The following IKZF1 variants were observed in gnomAD, a reference collection of about 807,000 sequenced individuals.
The protein encoded by IKZF1 is IKAROS family zinc finger 1.
Under a neutral mutation model 51.7 loss-of-function variants are expected in IKZF1, and 10 were observed. That is an observed-to-expected ratio of 0.19 (90% CI 0.12 to 0.33). The LOEUF (loss-of-function observed/expected upper bound fraction) is 0.33. Among genes scored for constraint, IKZF1 ranks in the 10% least tolerant of loss-of-function variants. IKZF1 has a pLI of 1.00. For missense variants in IKZF1, 484 were observed against 707.5 expected, an observed-to-expected ratio of 0.68 and a Z score of 3.58; for synonymous variants, 280 against 282.3, an observed-to-expected ratio of 0.99 and a Z score of 0.08.
At chr7:50,373,237 C>T (rs1447200641) in intron 3 of IKZF1, among the ~76,000 whole-genome samples, 1 of 152,218 alleles carries the variant, frequency 6.6e-6, no homozygotes, top group Non-Finnish European at 1.5e-5. Flanking sequence ...ACCCAAAGGT[C>T]GTGTCCAATG....
At chr7:50,347,709 A>C (rs945631872) in intron 3 of IKZF1, among the ~76,000 whole-genome samples, 20 of 152,196 alleles carry the variant, frequency 1.3e-4, no homozygotes, top group Non-Finnish European at 1.5e-5. Context: ...TCCTCTCCTG[A>C]AATCCAGAAT....
rs1584433211 is a variant in IKZF1, at chr7:50,318,337, G to A, written c.-14-711G>A. 5 of 226,960 alleles carry A rather than the reference G, an allele frequency of 2.2e-5. No homozygotes were observed. In the Admixed American group the frequency reaches 2.8e-4, roughly 13 times the overall value. 14.1% of individuals were successfully genotyped at this position (226,960 alleles called of 1,614,324 possible). On this transcript the variant is annotated intron_variant, in intron 1 of 7. Coordinates refer to ENST00000331340, the MANE Select transcript of IKZF1 (RefSeq NM_006060.6). Reference sequence around the variant, plus strand: ...TAATTTAAACCGATCTGAGAAGCCAGCCATCTGTCAGCAAAACAGGAAGGC... The same window carrying A: ...TAATTTAAACCGATCTGAGAAGCCAACCATCTGTCAGCAAAACAGGAAGGC...
intron 3 of IKZF1, among the ~76,000 whole-genome samples, chr7:50,334,233 C>T (rs887503420): frequency 4.6e-4 from 70 of 152,134 alleles, no homozygotes; most frequent in Non-Finnish European, 8.4e-4. Flanking sequence ...ACATCTTGTA[C>T]TAGGTTTTGG....
In IKZF1 at chr7:50,402,618, G is replaced by A. The variant is rs1327222378; in HGVS notation, c.*1991G>A. 1 of 231,652 alleles carries A rather than the reference G, an allele frequency of 4.3e-6. No homozygotes were observed. The highest frequency in any genetic ancestry group is 5.6e-5 in the Admixed American group (1 of 17,708). 14.3% of individuals were successfully genotyped at this position (231,652 alleles called of 1,614,324 possible). ...AATATTCCCGGTCAGCAGTATCAAG[G>A]CTGACTTGTGTTCATGTGGAGTCAT... On this transcript the variant is annotated 3_prime_UTR_variant, in exon 8 of 8. Coordinates refer to ENST00000331340, the MANE Select transcript of IKZF1 (RefSeq NM_006060.6).
intron 6 of IKZF1, chr7:50,388,639 A>G (rs1054327148): frequency 6.6e-6 from 1 of 152,256 alleles, no homozygotes; most frequent in African/African-American, 2.4e-5. Context: ...TCTCAGGTCT[A>G]GAATGGAAAG....
chr7:50,392,558 C>G (rs1815444433), intron 7 of IKZF1, among the ~76,000 whole-genome samples: 1 of 152,130 alleles, frequency 6.6e-6, no homozygotes, highest in Non-Finnish European at 1.5e-5. Context: ...CAATACAGAG[C>G]CACCGCCACT....
rs1214091562 is a variant in IKZF1, at chr7:50,334,047, C to T, written c.160+6290C>T. The stretch of plus-strand genomic sequence containing the variant: ...CCATCATGTAACAGGTTCATTGCTT[C>T]GCATTTCAAAGTAAATTTTAATTTA... On this transcript the variant is annotated intron_variant, in intron 3 of 7. Transcript: ENST00000331340. Among the ~76,000 whole-genome samples the T allele has an allele frequency of 4.6e-5, 7 of 152,182 alleles. No homozygotes were observed. In the South Asian group the frequency reaches 8.3e-4, roughly 18 times the overall value.
intron 1 of IKZF1, among the ~76,000 whole-genome samples, chr7:50,315,429 C>T (rs1205921566): frequency 6.6e-6 from 1 of 152,188 alleles, no homozygotes; most frequent in Non-Finnish European, 1.5e-5. Context: ...CTCCTAGAGG[C>T]ACAGCCATGG....
chr7:50,322,704 G>A lies in IKZF1; in HGVS notation c.40+3603G>A, dbSNP rs183945421. 3.8e-3 allele frequency among the ~76,000 whole-genome samples: 581 copies of A among 152,172 alleles called. 4 individuals are homozygous for A. The highest frequency in any genetic ancestry group is 9.6e-3 in the African/African-American group (398 of 41,522). On this transcript the variant is annotated intron_variant, in intron 2 of 7. Coordinates refer to ENST00000331340, the MANE Select transcript of IKZF1 (RefSeq NM_006060.6). ...ATACCTATGCATTATTTTTTGGTTT[G>A]GTTTCTAAAGAAAGAGTCAGCCGGT... is the stretch of plus-strand genomic sequence containing the variant.
intron 1 of IKZF1, among the ~76,000 whole-genome samples, chr7:50,310,197 C>T (rs1789822731): frequency 6.6e-6 from 1 of 152,084 alleles, no homozygotes. Flanking sequence ...TGAGTGTTTT[C>T]CCGCTTTAGT....
intron 4 of IKZF1, among the ~76,000 whole-genome samples, chr7:50,380,252 A>G (rs953129566): frequency 2.0e-5 from 3 of 152,244 alleles, no homozygotes; most frequent in Non-Finnish European, 4.4e-5. Flanking sequence ...ATAGGCACTC[A>G]GAAGCAAAAA....
At chr7:50,385,391 T>C (rs757702696) in intron 5 of IKZF1, among the ~76,000 whole-genome samples, 11 of 152,316 alleles carry the variant, frequency 7.2e-5, no homozygotes, top group Non-Finnish European at 1.5e-4. Flanking sequence ...CTCTAGCAAC[T>C]GGTGGTGGCC....
At chr7:50,337,017 G>GA (rs1797950173) in intron 3 of IKZF1, among the ~76,000 whole-genome samples, 1 of 152,166 alleles carries the variant, frequency 6.6e-6, no homozygotes, top group African/African-American at 2.4e-5. Flanking sequence ...AGTTGCTGGG[G>GA]ACAGGATAAT....
intron 2 of IKZF1, 134 bp from the exon 3 acceptor site, chr7:50,327,504 T>C (rs887532397): frequency 3.0e-6 from 3 of 998,764 alleles, no homozygotes; most frequent in Non-Finnish European, 2.9e-6. Flanking sequence ...AAAAGGTATA[T>C]GCATCCCAGC....
At position 50,403,990 on chromosome 7, in the gene IKZF1, C is replaced by T. The variant is rs148012193; in HGVS notation, c.*3363C>T. 3.7e-5 allele frequency: 8 copies of T among 215,192 alleles called. No homozygotes were observed. Among genetic ancestry groups the T allele is most frequent in the African/African-American group, 1.8e-4 (8 of 44,420 alleles). The allele number at this position is 215,192 out of a possible 1,614,324, so 13.3% of individuals were successfully genotyped here. Reference sequence around the variant, plus strand: ...CAACTTTTTTAAAATCTAGATCTCTCTCATTCATTTCAATGTATTTTTACT... The same window carrying T: ...CAACTTTTTTAAAATCTAGATCTCTTTCATTCATTTCAATGTATTTTTACT... On this transcript the variant is annotated 3_prime_UTR_variant, in exon 8 of 8. Transcript: ENST00000331340.
intron 1 of IKZF1, among the ~76,000 whole-genome samples, chr7:50,308,120 A>G (rs1784446558): frequency 6.6e-6 from 1 of 152,176 alleles, no homozygotes; most frequent in African/African-American, 2.4e-5. Context: ...TCCAACAAAT[A>G]TTTTTTAAGA....
At chr7:50,359,060 G>C (rs1584756976) in intron 3 of IKZF1, among the ~76,000 whole-genome samples, 1 of 152,224 alleles carries the variant, frequency 6.6e-6, no homozygotes, top group Admixed American at 6.5e-5. Flanking sequence ...AGGAGTTTCA[G>C]ACCAACCTAG....
At position 50,400,472 on chromosome 7, in the gene IKZF1, G is replaced by A. The variant is rs750786723; in HGVS notation, c.1405G>A (p.Val469Met). The A allele has an allele frequency of 6.2e-7, 1 of 1,614,056 alleles. No individual in the cohort carries two copies. The highest frequency in any genetic ancestry group is 1.1e-5 in the South Asian group (1 of 91,080). Residue 469 changes from valine to methionine, a missense_variant, in exon 8 of 8, where the codon GTG becomes ATG. This residue lies in a region of IKZF1 where 42 missense variants were observed against 84.4 expected (regional missense o/e 0.50). Transcript: ENST00000331340. This position sits in a 1 kb window ranked among gnomAD's most constrained non-coding sequence, Gnocchi z 5.4. ...MKVYKCEHCR[V>M]LFLDHVMYTI... Reference sequence around the variant, plus strand: ...GGTGTACAAGTGCGAACACTGCCGGGTGCTCTTCCTGGATCACGTCATGTA... The same window carrying A: ...GGTGTACAAGTGCGAACACTGCCGGATGCTCTTCCTGGATCACGTCATGTA...
chr7:50,379,547 C>CA (rs1429447893), intron 4 of IKZF1, among the ~76,000 whole-genome samples: 1 of 152,162 alleles, frequency 6.6e-6, no homozygotes, highest in Non-Finnish European at 1.5e-5. Flanking sequence ...TTGTGAGAAC[C>CA]AGAGAGGAGA....
Sources: gnomAD v4.1 joint callset for allele counts (sites outside exome capture counted in the v4.1 genomes callset) on GRCh38, gnomAD v4.1.1 for gene constraint, gnomAD v4.1.1 regional missense constraint, Gnocchi (gnomAD v3.1) non-coding constraint, MANE v1.5 for transcripts, NCBI Gene and HGNC (gene_info 2026-07-23, HGNC 2026-07-21) for gene names.